PDZRN4: variants seen among roughly 807,000 people sequenced by gnomAD.
The protein encoded by PDZRN4 is PDZ domain containing ring finger 4.
PDZRN4 carries 70 observed loss-of-function variants against 99.0 expected under a neutral mutation model. The observed-to-expected ratio is 0.71, with a 90% CI of 0.58 to 0.86. The LOEUF (loss-of-function observed/expected upper bound fraction) is 0.86, where lower values mean the gene tolerates loss of function less well. Ranked by LOEUF, PDZRN4 falls within the 40% of genes least tolerant of loss-of-function variation. PDZRN4 has a pLI of 0.00. For missense variants in PDZRN4, 1,474 were observed against 1,331.2 expected, an observed-to-expected ratio of 1.11 and a Z score of -1.67; for synonymous variants, 551 against 501.6, an observed-to-expected ratio of 1.10 and a Z score of -1.32.
intron 5 of PDZRN4, among the ~76,000 whole-genome samples, chr12:41,546,769 G>C: frequency 6.6e-6 from 1 of 152,322 alleles, no homozygotes. Flanking sequence ...GAGCTCTAGC[G>C]AGAGAACAAA....
chr12:41,406,495 C>G (rs1952351140), intron 3 of PDZRN4, among the ~76,000 whole-genome samples: 1 of 152,116 alleles, frequency 6.6e-6, no homozygotes, highest in African/African-American at 2.4e-5. Context: ...TCATCTTGAT[C>G]AATCCAACTT....
At position 41,470,676 on chromosome 12, in the gene PDZRN4, G is replaced by A. The variant is rs532141998; in HGVS notation, c.844-35780G>A. On this transcript the variant is annotated intron_variant, in intron 3 of 9. Transcript: ENST00000402685. ...CTCCCGCCACCCCACAACCGTCCCC[G>A]GTGTGTGATGTTCCCCTTCCTGTGT... Among the ~76,000 whole-genome samples the A allele has an allele frequency of 5.9e-4, 89 of 151,980 alleles. 1 individual carries two copies. The highest frequency in any genetic ancestry group is 1.5e-3 in the African/African-American group (63 of 41,436).
chr12:41,220,130 T>C (rs1950945384), intron 3 of PDZRN4, among the ~76,000 whole-genome samples: 1 of 152,154 alleles, frequency 6.6e-6, no homozygotes, highest in Non-Finnish European at 1.5e-5. Flanking sequence ...TTTATTAGTT[T>C]GCTAGGGCTG....
At chr12:41,409,767 C>T (rs1952380015) in intron 3 of PDZRN4, 1 of 152,180 alleles carries the variant, frequency 6.6e-6, no homozygotes, top group Admixed American at 6.5e-5. Flanking sequence ...GGTCAGCCAA[C>T]TGAAATCAAT....
intron 8 of PDZRN4, among the ~76,000 whole-genome samples, chr12:41,567,277 C>A (rs1008452417): frequency 3.3e-5 from 5 of 152,074 alleles, no homozygotes; most frequent in African/African-American, 1.2e-4. Flanking sequence ...TCTTTTGTGG[C>A]AAGCAGCCAT....
At chr12:41,422,094 T>C (rs1952495012) in intron 3 of PDZRN4, among the ~76,000 whole-genome samples, 1 of 152,202 alleles carries the variant, frequency 6.6e-6, no homozygotes, top group South Asian at 2.1e-4. Flanking sequence ...TTGGTATTTC[T>C]TGAGGCTGAC....
intron 3 of PDZRN4, among the ~76,000 whole-genome samples, chr12:41,374,797 C>A (rs375368840): frequency 6.6e-6 from 1 of 152,084 alleles, no homozygotes; most frequent in African/African-American, 2.4e-5. Context: ...TACACAAATT[C>A]TTTTATACTA....
intron 3 of PDZRN4, among the ~76,000 whole-genome samples, chr12:41,222,632 C>T (rs1950965063): frequency 6.6e-6 from 1 of 152,156 alleles, no homozygotes; most frequent in Admixed American, 6.5e-5. Context: ...GATTCTCCTG[C>T]CTCAGCCTCC....
intron 3 of PDZRN4, among the ~76,000 whole-genome samples, chr12:41,278,953 C>T (rs928060317): frequency 3.9e-5 from 6 of 152,054 alleles, no homozygotes; most frequent in African/African-American, 1.4e-4. Context: ...TCAGCTAAAA[C>T]AGAAAGAAAA....
At chr12:41,399,228 G>A (rs1224867287) in intron 3 of PDZRN4, among the ~76,000 whole-genome samples, 1 of 151,598 alleles carries the variant, frequency 6.6e-6, no homozygotes, top group Non-Finnish European at 1.5e-5. Context: ...AGTGACCAAG[G>A]TATATAAAAA....
At chr12:41,313,864 A>G (rs1365495366) in intron 3 of PDZRN4, among the ~76,000 whole-genome samples, 1 of 152,212 alleles carries the variant, frequency 6.6e-6, no homozygotes, top group Non-Finnish European at 1.5e-5. Flanking sequence ...TACCATCTGT[A>G]TTCTCCAAAT....
intron 3 of PDZRN4, among the ~76,000 whole-genome samples, chr12:41,373,049 C>T (rs930164291): frequency 2.6e-5 from 4 of 151,930 alleles, no homozygotes; most frequent in Non-Finnish European, 5.9e-5. Flanking sequence ...TCCGTGATGC[C>T]CCCCAAGCTG....
At chr12:41,424,438 T>C (rs990070690) in intron 3 of PDZRN4, among the ~76,000 whole-genome samples, 17 of 152,156 alleles carry the variant, frequency 1.1e-4, no homozygotes, top group Admixed American at 7.9e-4. Context: ...ACTTAACAAT[T>C]TTTATACTGA....
intron 3 of PDZRN4, among the ~76,000 whole-genome samples, chr12:41,447,441 A>G (rs1396314201): frequency 6.6e-6 from 1 of 152,170 alleles, no homozygotes; most frequent in Non-Finnish European, 1.5e-5. Context: ...AGAAGAAAGA[A>G]TAGAGACTTT....
chr12:41,335,769 T>G (rs1359131276), intron 3 of PDZRN4, among the ~76,000 whole-genome samples: 1 of 152,092 alleles, frequency 6.6e-6, no homozygotes, highest in Non-Finnish European at 1.5e-5. Context: ...CTTGTGAATT[T>G]TACTGGAGCA....
At chr12:41,300,488 G>A (rs995137885) in intron 3 of PDZRN4, among the ~76,000 whole-genome samples, 3 of 151,744 alleles carry the variant, frequency 2.0e-5, no homozygotes, top group African/African-American at 7.3e-5. Flanking sequence ...TAAACTGTCT[G>A]GCACACCCAG....
intron 3 of PDZRN4, among the ~76,000 whole-genome samples, chr12:41,418,605 T>C (rs1952463897): frequency 6.6e-6 from 1 of 152,208 alleles, no homozygotes; most frequent in Non-Finnish European, 1.5e-5. Flanking sequence ...AATGGTTAAA[T>C]GGGAGAATCT....
rs140650724 is a variant in PDZRN4, at chr12:41,312,354, A to G, written c.843+118166A>G. On this transcript the variant is annotated intron_variant, in intron 3 of 9. Coordinates refer to ENST00000402685, the MANE Select transcript of PDZRN4 (RefSeq NM_001164595.2). ...ATTCCACTGAACTTAGAATGTGGCA[A>G]ACGTTGGGTTTGTTCTTTTAATAAA... Among the ~76,000 whole-genome samples the G allele has an allele frequency of 1.3e-4, 20 of 152,118 alleles. No homozygotes were observed. The East Asian group carries it at 2.3e-3, about 18-fold the overall frequency.
At chr12:41,551,491 A>G (rs1592108437) in intron 5 of PDZRN4, among the ~76,000 whole-genome samples, 1 of 152,104 alleles carries the variant, frequency 6.6e-6, no homozygotes, top group African/African-American at 2.4e-5. Flanking sequence ...AGGAAAGACT[A>G]CCTACCTATG....
Sources: gnomAD v4.1 joint callset for allele counts (sites outside exome capture counted in the v4.1 genomes callset) on GRCh38, gnomAD v4.1.1 for gene constraint, MANE v1.5 for transcripts, NCBI Gene and HGNC (gene_info 2026-07-23, HGNC 2026-07-21) for gene names.